ANO4: variants seen among roughly 807,000 people sequenced by gnomAD.
The protein encoded by ANO4 is anoctamin 4.
ANO4 carries 69 observed loss-of-function variants against 141.9 expected under a neutral mutation model. The observed-to-expected ratio is 0.49, with a 90% CI of 0.40 to 0.59. ANO4 has a LOEUF of 0.59. ANO4 is among the 20% of genes least tolerant of loss of function. ANO4 has a pLI of 0.00. For synonymous variants in ANO4, 350 were observed against 394.3 expected, an observed-to-expected ratio of 0.89 and a Z score of 1.33; for missense variants, 894 against 1,162.2, an observed-to-expected ratio of 0.77 and a Z score of 3.36.
intron 5 of ANO4, among the ~76,000 whole-genome samples, chr12:100,946,245 T>A (rs1173359478): frequency 6.6e-6 from 1 of 152,184 alleles, no homozygotes. Flanking sequence ...GATGTTAGCT[T>A]TTCTCTGAGT....
chr12:100,933,388 T>C (rs912150195), intron 3 of ANO4, among the ~76,000 whole-genome samples: 1 of 152,150 alleles, frequency 6.6e-6, no homozygotes, highest in East Asian at 1.9e-4. Flanking sequence ...TCTGTCCTTG[T>C]GATAGTTTGC....
At chr12:101,070,778 G>A (rs745918157) in intron 14 of ANO4, among the ~76,000 whole-genome samples, 2 of 152,008 alleles carry the variant, frequency 1.3e-5, no homozygotes, top group Non-Finnish European at 2.9e-5. Context: ...GTCTGATAAG[G>A]GATTAATAAC....
intron 17 of ANO4, among the ~76,000 whole-genome samples, chr12:101,090,837 A>G (rs1310055153): frequency 6.6e-6 from 1 of 152,238 alleles, no homozygotes; most frequent in Admixed American, 6.5e-5. Context: ...GTGTTGTCAG[A>G]GTAAAACACT....
chr12:100,907,466 A>G (rs2040897806), intron 2 of ANO4, among the ~76,000 whole-genome samples: 1 of 152,196 alleles, frequency 6.6e-6, no homozygotes, highest in Admixed American at 6.5e-5. Flanking sequence ...AGAACTTAGA[A>G]GCCTTATCAA....
intron 3 of ANO4, among the ~76,000 whole-genome samples, chr12:100,754,893 G>T (rs1481414289): frequency 2.6e-5 from 4 of 152,084 alleles, no homozygotes; most frequent in Non-Finnish European, 5.9e-5. Context: ...GCAGATTTGT[G>T]ATTGCCAGGG....
upstream of ANO4, among the ~76,000 whole-genome samples, chr12:100,794,377 A>G (rs1364278813): frequency 1.3e-5 from 2 of 152,176 alleles, no homozygotes; most frequent in African/African-American, 2.4e-5. Context: ...AACTTCCTGC[A>G]TGGCTAGTGT....
At chr12:100,784,000 G>GC (rs79303198) in intron 3 of ANO4, among the ~76,000 whole-genome samples, 152,088 of 152,094 alleles carry the variant, frequency 1, 76,041 homozygotes, top group Middle Eastern at 1. Context: ...ACACTCCATG[G>GC]CTCCATCTAG....
At chr12:100,925,312 G>A (rs1315287549) in intron 3 of ANO4, among the ~76,000 whole-genome samples, 5 of 151,984 alleles carry the variant, frequency 3.3e-5, no homozygotes, top group South Asian at 2.1e-4. Flanking sequence ...CGAGACCATC[G>A]TTAAGTGTGT....
At chr12:100,904,133 A>C (rs2040728620) in intron 2 of ANO4, among the ~76,000 whole-genome samples, 1 of 152,196 alleles carries the variant, frequency 6.6e-6, no homozygotes, top group Admixed American at 6.5e-5. Flanking sequence ...TTTGTAGGGT[A>C]GGACCGAACA....
intron 2 of ANO4, among the ~76,000 whole-genome samples, chr12:100,916,694 G>A (rs2041358212): frequency 1.3e-5 from 2 of 152,158 alleles, no homozygotes; most frequent in African/African-American, 4.8e-5. Context: ...AAAGAGCTAT[G>A]TGAGTTCAGT....
intron 3 of ANO4, among the ~76,000 whole-genome samples, chr12:100,751,346 A>G (rs551610365): frequency 6.6e-6 from 1 of 152,164 alleles, no homozygotes; most frequent in East Asian, 1.9e-4. Context: ...GACCTAAGAA[A>G]AAGGCCCAGA....
At chr12:100,939,202 G>C in intron 3 of ANO4, 113 bp from the exon 4 acceptor site, 1 of 1,091,124 alleles carries the variant, frequency 9.2e-7, no homozygotes, top group South Asian at 1.7e-5. Context: ...CACTCAAGGA[G>C]TTAATGAAAT....
chr12:100,864,306 G>A lies in ANO4; in HGVS notation c.-140-37340G>A, dbSNP rs533418591. On this transcript the variant is annotated intron_variant, in intron 1 of 27. Coordinates refer to ENST00000392977, the MANE Select transcript of ANO4 (RefSeq NM_001286615.2). Reference sequence around the variant, plus strand: ...GGTATGGGGTAGGTCCATTTTACACGAATTACATGGAAGTAGAGGAGGAAA... The same window carrying A: ...GGTATGGGGTAGGTCCATTTTACACAAATTACATGGAAGTAGAGGAGGAAA... Among the ~76,000 whole-genome samples the A allele has an allele frequency of 4.6e-5, 7 of 152,098 alleles. No homozygotes were observed. The East Asian group carries it at 7.8e-4, about 17-fold the overall frequency.
At chr12:100,934,931 A>G (rs2042224000) in intron 3 of ANO4, among the ~76,000 whole-genome samples, 1 of 152,178 alleles carries the variant, frequency 6.6e-6, no homozygotes, top group Non-Finnish European at 1.5e-5. Flanking sequence ...TGATTTTTGC[A>G]CATTGATTTT....
intron 3 of ANO4, among the ~76,000 whole-genome samples, chr12:100,787,625 A>AAATTAATAGCT (rs2033915961): frequency 6.6e-6 from 1 of 152,162 alleles, no homozygotes; most frequent in Non-Finnish European, 1.5e-5. Flanking sequence ...GCTCTGGGGA[A>AAATTAATAGCT]AATTAATAGC....
At chr12:101,067,695 A>C (rs1488860648) in intron 14 of ANO4, among the ~76,000 whole-genome samples, 1 of 152,102 alleles carries the variant, frequency 6.6e-6, no homozygotes, top group Non-Finnish European at 1.5e-5. Flanking sequence ...AAAAACAAAA[A>C]AGTGCTCAAG....
chr12:100,912,281 G>T (rs564701437), intron 2 of ANO4, among the ~76,000 whole-genome samples: 1 of 151,716 alleles, frequency 6.6e-6, no homozygotes, highest in Non-Finnish European at 1.5e-5. Context: ...TGTAATCCCA[G>T]CTACTAGGGA....
At chr12:100,971,874 A>C (rs987968878) in intron 6 of ANO4, among the ~76,000 whole-genome samples, 4 of 152,088 alleles carry the variant, frequency 2.6e-5, no homozygotes, top group Non-Finnish European at 2.9e-5. Flanking sequence ...AACAAAAAAA[A>C]CCACTTTTTT....
intron 3 of ANO4, among the ~76,000 whole-genome samples, chr12:100,929,971 G>C (rs1208631100): frequency 1.3e-5 from 2 of 151,960 alleles, no homozygotes; most frequent in Non-Finnish European, 2.9e-5. Flanking sequence ...TGCCATTTCT[G>C]TGTCTCCTTC....
Sources: allele counts gnomAD v4.1 joint callset (sites outside exome capture counted in the v4.1 genomes callset), GRCh38; gene constraint gnomAD v4.1.1; transcripts MANE v1.5; gene names NCBI Gene and HGNC (gene_info 2026-07-23, HGNC 2026-07-21).